The following M1AP variants were observed in gnomAD, a reference collection of about 807,000 sequenced individuals.
M1AP encodes the protein meiosis 1 associated protein.
Under a neutral mutation model 51.2 loss-of-function variants are expected in M1AP, and 39 were observed. That is an observed-to-expected ratio of 0.76 (90% CI 0.59 to 1.00). M1AP has a LOEUF of 1.00. Ranked by LOEUF, M1AP falls within the 50% of genes least tolerant of loss-of-function variation. M1AP has a pLI of 0.00. For missense variants in M1AP, 545 were observed against 641.2 expected (o/e 0.85, Z 1.62); for synonymous variants, 251 against 249.2 (o/e 1.01, Z -0.07).
intron 4 of M1AP, among the ~76,000 whole-genome samples, chr2:74,584,265 C>CT (rs1679574547): frequency 6.6e-6 from 1 of 151,994 alleles, no homozygotes; most frequent in Non-Finnish European, 1.5e-5. Context: ...AGCAGCTTCT[C>CT]TTCAGTGAGG....
chr2:74,630,944 T>C (rs1233817531), intron 2 of M1AP, among the ~76,000 whole-genome samples: 2 of 152,264 alleles, frequency 1.3e-5, no homozygotes, highest in Non-Finnish European at 2.9e-5. Flanking sequence ...TAAAGTGCCA[T>C]TGTGCCATTC....
At chr2:74,613,572 A>AAT in intron 3 of M1AP, among the ~76,000 whole-genome samples, 1 of 152,280 alleles carries the variant, frequency 6.6e-6, no homozygotes, top group Non-Finnish European at 1.5e-5. Context: ...TGAAGGATAC[A>AAT]GCTGGCTGGA....
In M1AP at chr2:74,576,583, A is replaced by G. The variant is rs1241386754; in HGVS notation, c.805T>C (p.Cys269Arg). 1.9e-6 allele frequency: 3 copies of G among 1,614,162 alleles called. No individual in the cohort carries two copies. Among genetic ancestry groups the G allele is most frequent in the South Asian group, 1.1e-5 (1 of 91,082 alleles). The change falls in exon 6 of 11, where the codon TGC becomes CGC. Residue 269 changes from cysteine (C) to arginine (R), a missense_variant. By Grantham distance (180) the Cys-to-Arg change is radical. Transcript: ENST00000421985. ...GCTGTGCCAGCGAGTAGGGATGGGCAGAGCAGTCGCTCTTGGAGATCACAT... is the reference window on the plus strand; with the variant it reads ...GCTGTGCCAGCGAGTAGGGATGGGCGGAGCAGTCGCTCTTGGAGATCACAT... ...LKCDLQERLL[C>R]PSLLAGTADG...
At chr2:74,630,998 G>A (rs2104805620) in intron 2 of M1AP, among the ~76,000 whole-genome samples, 1 of 152,190 alleles carries the variant, frequency 6.6e-6, no homozygotes, top group Non-Finnish European at 1.5e-5. Context: ...AACCTTGTCT[G>A]CAATTGATCG....
chr2:74,639,206 T>G (rs1033870380), intron 2 of M1AP, among the ~76,000 whole-genome samples: 1 of 152,204 alleles, frequency 6.6e-6, no homozygotes, highest in African/African-American at 2.4e-5. Flanking sequence ...CCACTTCCAA[T>G]GAGGGAAACT....
At chr2:74,612,507 T>C (rs1406703252) in intron 3 of M1AP, among the ~76,000 whole-genome samples, 1 of 152,142 alleles carries the variant, frequency 6.6e-6, no homozygotes, top group Non-Finnish European at 1.5e-5. Context: ...TAAGTCTCTA[T>C]TTCTTTTATT....
At position 74,575,599 on chromosome 2, in the gene M1AP, G is replaced by T. The variant is rs750447823; in HGVS notation, c.933-20C>A. 1 of 1,594,478 alleles carries T rather than the reference G, an allele frequency of 6.3e-7. No individual in the cohort carries two copies. The highest frequency in any genetic ancestry group is 2.2e-5 in the East Asian group (1 of 44,736). On this transcript the variant is annotated intron_variant, in intron 6 of 10. Coordinates refer to ENST00000421985, the MANE Select transcript of M1AP (RefSeq NM_001321739.2). The stretch of plus-strand genomic sequence containing the variant: ...AAAGCCCTAGGAAGAGATAATTACA[G>T]TCAAAGACTCCTTAGTGATATCTAG...
chr2:74,573,540 G>A (rs1678880302), intron 7 of M1AP, among the ~76,000 whole-genome samples: 1 of 150,368 alleles, frequency 6.7e-6, no homozygotes, highest in South Asian at 2.1e-4. Context: ...TTTAGTAGCT[G>A]TGGGATTTCA....
intron 1 of M1AP, among the ~76,000 whole-genome samples, chr2:74,641,331 A>C (rs1683285950): frequency 6.6e-6 from 1 of 152,166 alleles, no homozygotes; most frequent in Non-Finnish European, 1.5e-5. Context: ...CAGGACTCAG[A>C]TTAGGAAGTG....
chr2:74,616,048 T>C (rs1037485872), intron 2 of M1AP, among the ~76,000 whole-genome samples: 13 of 152,370 alleles, frequency 8.5e-5, no homozygotes, highest in South Asian at 4.1e-4. Flanking sequence ...AGCTCCACAG[T>C]TGATATATTC....
chr2:74,593,017 G>T (rs1680136949), intron 4 of M1AP, among the ~76,000 whole-genome samples: 1 of 152,194 alleles, frequency 6.6e-6, no homozygotes. Flanking sequence ...CTGGGTATAT[G>T]ATGGGGCTGA....
chr2:74,574,119 T>C (rs1181344891), intron 7 of M1AP, among the ~76,000 whole-genome samples: 1 of 152,260 alleles, frequency 6.6e-6, no homozygotes, highest in Non-Finnish European at 1.5e-5. Flanking sequence ...AAAAGAAGTC[T>C]GCTTCTGATA....
intron 2 of M1AP, chr2:74,618,734 C>T (rs1046922152): frequency 1.8e-5 from 4 of 225,136 alleles, no homozygotes; most frequent in Non-Finnish European, 2.8e-5. Context: ...TTCTATATCC[C>T]GAAAGTTCAC....
At chr2:74,647,049 G>A (rs2104871803) in intron 1 of M1AP, among the ~76,000 whole-genome samples, 1 of 152,220 alleles carries the variant, frequency 6.6e-6, no homozygotes, top group East Asian at 1.9e-4. Flanking sequence ...AAGAACACTC[G>A]CTTAATGAAT....
At chr2:74,622,061 A>C (rs1682082402) in intron 2 of M1AP, among the ~76,000 whole-genome samples, 1 of 151,588 alleles carries the variant, frequency 6.6e-6, no homozygotes, top group Non-Finnish European at 1.5e-5. Context: ...CAGAGGATGC[A>C]GTGAGCTGAG....
intron 7 of M1AP, among the ~76,000 whole-genome samples, chr2:74,568,209 G>A (rs1469120536): frequency 1.3e-5 from 2 of 152,230 alleles, no homozygotes; most frequent in African/African-American, 4.8e-5. Flanking sequence ...TAGAAGATGT[G>A]CTGTTATGTC....
chr2:74,647,645 G>A (rs866632054), intron 1 of M1AP, among the ~76,000 whole-genome samples: 1 of 152,172 alleles, frequency 6.6e-6, no homozygotes, highest in Non-Finnish European at 1.5e-5. Flanking sequence ...TGTAATCGCA[G>A]CACTTTAGGA....
chr2:74,568,034 CATTT>C (rs1558648682), intron 7 of M1AP, among the ~76,000 whole-genome samples: 2 of 152,228 alleles, frequency 1.3e-5, no homozygotes, highest in African/African-American at 2.4e-5. Flanking sequence ...AGTTACACAA[CATTT>C]ATAGTCGACG....
chr2:74,645,062 C>A (rs1683523291), intron 1 of M1AP, among the ~76,000 whole-genome samples: 1 of 152,166 alleles, frequency 6.6e-6, no homozygotes, highest in African/African-American at 2.4e-5. Context: ...TGGGTCCGCA[C>A]TGCCTTTATG....
Sources: gnomAD v4.1 joint callset for allele counts (sites outside exome capture counted in the v4.1 genomes callset) on GRCh38, gnomAD v4.1.1 for gene constraint, MANE v1.5 for transcripts, NCBI Gene and HGNC (gene_info 2026-07-23, HGNC 2026-07-21) for gene names.